IL15RA: variants seen among roughly 807,000 people sequenced by gnomAD.
The protein encoded by IL15RA is interleukin-15 receptor subunit alpha.
In IL15RA, 26 loss-of-function variants were observed where a neutral mutation model predicts 24.2. That is an observed-to-expected ratio of 1.07 (90% CI 0.79 to 1.49). IL15RA has a LOEUF of 1.49. Ranked by LOEUF, IL15RA falls within the 40% of genes most tolerant of loss-of-function variation. IL15RA has a pLI of 0.00. For missense variants in IL15RA, 354 were observed against 356.4 expected (o/e 0.99, Z 0.05); for synonymous variants, 166 against 157.6 (o/e 1.05, Z -0.40).
In IL15RA at chr10:5,961,745, T is replaced by C. The variant is rs923715939; in HGVS notation, c.383-1178A>G. ...GCGTAACTGTGCTGTTCCCTCTCCA[T>C]GAAAAATGTGTCTTCCATTGTGACA... On this transcript the variant is annotated intron_variant, in intron 3 of 6. Transcript: ENST00000379977. This position sits in a 1 kb window ranked among gnomAD's most constrained non-coding sequence, Gnocchi z 5.2. Among the ~76,000 whole-genome samples, 1 of 152,188 alleles carries C rather than the reference T, an allele frequency of 6.6e-6. No homozygotes were observed. Among genetic ancestry groups the C allele is most frequent in the Non-Finnish European group, 1.5e-5 (1 of 68,020 alleles).
downstream of IL15RA, among the ~76,000 whole-genome samples, chr10:5,950,358 G>A (rs1243415713): frequency 2.0e-5 from 3 of 152,040 alleles, no homozygotes; most frequent in African/African-American, 4.8e-5. This position sits in a 1 kb window ranked among gnomAD's most constrained non-coding sequence, Gnocchi z 5.6. Context: ...TTTAGAATAC[G>A]GTGCTCCCAT....
rs12412401 is a variant in IL15RA at position 5,973,155 on chromosome 10, C to T, written c.88+4250G>A. Among the ~76,000 whole-genome samples the T allele has an allele frequency of 0.011, 1,743 of 152,282 alleles. 29 individuals carry two copies. The highest frequency in any genetic ancestry group is 0.035 in the Admixed American group (538 of 15,300). On this transcript the variant is annotated intron_variant, in intron 1 of 6. Transcript: ENST00000379977. This position sits in a 1 kb window ranked among gnomAD's most constrained non-coding sequence, Gnocchi z 4.5. ...GTGACCTTCTACCCAACATAATGGA[C>T]GCCCCTGCACATCAGGCCTTTTAAA...
chr10:5,956,794 G>C (rs1834586844), intron 5 of IL15RA, among the ~76,000 whole-genome samples: 2 of 152,156 alleles, frequency 1.3e-5, no homozygotes, highest in Admixed American at 6.6e-5. Context: ...GCGATGAGGA[G>C]AGAGCATTCC....
In IL15RA at chr10:5,965,882, G is replaced by A. The variant is rs533685898; in HGVS notation, c.283+263C>T. ...ATTACAGGCGCCTGCCACCACGCCCGGCTACTTTTTGTATTTTTAGTAGAA... is the reference window on the plus strand; with the variant it reads ...ATTACAGGCGCCTGCCACCACGCCCAGCTACTTTTTGTATTTTTAGTAGAA... On this transcript the variant is annotated intron_variant, in intron 2 of 6. Transcript: ENST00000379977. This position sits in a 1 kb window ranked among gnomAD's most constrained non-coding sequence, Gnocchi z 5.8. Among the ~76,000 whole-genome samples, 7 of 152,176 alleles carry A rather than the reference G, an allele frequency of 4.6e-5. No homozygotes were observed. Among genetic ancestry groups the A allele is most frequent in the East Asian group, 1.9e-4 (1 of 5,170 alleles).
Position 5,971,308 on chromosome 10 carries a change from T to G in IL15RA, c.89-4969A>C, listed in dbSNP as rs144047621. 5.7e-4 allele frequency among the ~76,000 whole-genome samples: 87 copies of G among 152,286 alleles called. 1 individual carries two copies. The highest frequency in any genetic ancestry group is 4.0e-4 in the Non-Finnish European group (27 of 68,018). On this transcript the variant is annotated intron_variant, in intron 1 of 6. Transcript: ENST00000379977. This position sits in a 1 kb window ranked among gnomAD's most constrained non-coding sequence, Gnocchi z 5.5. ...CTTATGGCTCTAGGACTTTCAAAAC[T>G]CTGAAGTAGCCAAAAAACATATACA...
Position 5,973,452 on chromosome 10 carries a change from G to A in IL15RA, c.88+3953C>T, listed in dbSNP as rs1837938795. Among the ~76,000 whole-genome samples, 1 of 152,262 alleles carries A rather than the reference G, an allele frequency of 6.6e-6. No homozygotes were observed. Among genetic ancestry groups the A allele is most frequent in the Non-Finnish European group, 1.5e-5 (1 of 68,024 alleles). On this transcript the variant is annotated intron_variant, in intron 1 of 6. Coordinates refer to ENST00000379977, the MANE Select transcript of IL15RA (RefSeq NM_002189.4). The surrounding 1 kb of genome is among the most constrained non-coding windows in gnomAD (Gnocchi z 4.5). The stretch of plus-strand genomic sequence containing the variant: ...TAATTTCTAATTGTTCATTGTGAAT[G>A]TATAGAAATAGAACTGATTTTTGTG...
rs952556665 is a variant in IL15RA, at chr10:5,973,412, C to G, written c.88+3993G>C. 6.6e-6 allele frequency among the ~76,000 whole-genome samples: 1 copy of G among 152,068 alleles called. No individual in the cohort carries two copies. The highest frequency in any genetic ancestry group is 1.5e-5 in the Non-Finnish European group (1 of 68,012). On this transcript the variant is annotated intron_variant, in intron 1 of 6. Coordinates refer to ENST00000379977, the MANE Select transcript of IL15RA (RefSeq NM_002189.4). This position sits in a 1 kb window ranked among gnomAD's most constrained non-coding sequence, Gnocchi z 4.5. ...TGCTTTTTAATGTTATTTCAAATGA[C>G]TTTTTAAAGTTTTTTAATTTCTAAT...
chr10:5,950,383 C>G (rs894766360), downstream of IL15RA, among the ~76,000 whole-genome samples: 2 of 152,154 alleles, frequency 1.3e-5, no homozygotes, highest in South Asian at 4.1e-4. The surrounding 1 kb of genome is among the most constrained non-coding windows in gnomAD (Gnocchi z 5.6). Context: ...CTTCAGAGTT[C>G]TGTGTACTCT....
chr10:5,948,940 A>G (rs191371789), downstream of IL15RA: 27 of 227,308 alleles, frequency 1.2e-4, no homozygotes, highest in East Asian at 2.1e-3. Flanking sequence ...ACAAGGCACA[A>G]TGTCAAAATA....
rs1352924865 is a variant in IL15RA, at chr10:5,960,805, G to A, written c.383-238C>T. On this transcript the variant is annotated intron_variant, in intron 3 of 6. Transcript: ENST00000379977. The surrounding 1 kb of genome is among the most constrained non-coding windows in gnomAD (Gnocchi z 5.1). The stretch of plus-strand genomic sequence containing the variant: ...GCACGTATAAAGAAAAGATCAGCCA[G>A]ACACAGTGGGTCATGCCTATAATCC... Among the ~76,000 whole-genome samples, 1 of 152,182 alleles carries A rather than the reference G, an allele frequency of 6.6e-6. No individual in the cohort carries two copies. The highest frequency in any genetic ancestry group is 1.9e-4 in the East Asian group (1 of 5,190).
intron 6 of IL15RA, among the ~76,000 whole-genome samples, chr10:5,954,168 CT>C (rs750550552): frequency 0.04 from 4,250 of 105,212 alleles, 85 homozygotes; most frequent in East Asian, 0.085. Flanking sequence ...ACCAATTCTT[CT>C]TTTTTTTTTT....
rs532502676 is a variant in IL15RA at position 5,961,343 on chromosome 10, G to A, written c.383-776C>T. Among the ~76,000 whole-genome samples the A allele has an allele frequency of 6.6e-6, 1 of 152,298 alleles. No individual in the cohort carries two copies. Among genetic ancestry groups the A allele is most frequent in the Non-Finnish European group, 1.5e-5 (1 of 68,016 alleles). On this transcript the variant is annotated intron_variant, in intron 3 of 6. Transcript: ENST00000379977. This position sits in a 1 kb window ranked among gnomAD's most constrained non-coding sequence, Gnocchi z 5.2. ...CACCTTAGCCTAGGAGTTTGAGGCTGCAGTGACCTATAATTGAGCCATTGC... is the reference window on the plus strand; with the variant it reads ...CACCTTAGCCTAGGAGTTTGAGGCTACAGTGACCTATAATTGAGCCATTGC...
chr10:5,956,811 T>G (rs1725158126), intron 5 of IL15RA, among the ~76,000 whole-genome samples: 1 of 152,138 alleles, frequency 6.6e-6, no homozygotes, highest in African/African-American at 2.4e-5. Context: ...TTCCTGCTGC[T>G]AAAGCCAGGG....
intron 5 of IL15RA, among the ~76,000 whole-genome samples, chr10:5,957,116 C>T (rs1438230155): frequency 4.6e-5 from 7 of 151,436 alleles, no homozygotes; most frequent in Middle Eastern, 3.4e-3. Flanking sequence ...CACACCACCA[C>T]GCCTGGCTAA....
Position 5,963,743 on chromosome 10 carries a change from C to A in IL15RA, c.382G>T (p.Glu128Ter). Residue 128 changes from glutamate to a stop codon, truncating the protein, a stop_gained and splice_region_variant, in exon 3 of 7, where the codon GAG (glutamate) becomes TAG (stop). Transcript: ENST00000379977. LOFTEE classifies it high-confidence loss of function. This position sits in a 1 kb window ranked among gnomAD's most constrained non-coding sequence, Gnocchi z 5.3. Reference sequence around the variant, plus strand: ...CTCGAGAAGTTTCTGACCTTCCTACCTTTTCCAGAAGGGGAGAGGCTCTCT... The same window carrying A: ...CTCGAGAAGTTTCTGACCTTCCTACATTTTCCAGAAGGGGAGAGGCTCTCT... ...QPESLSPSGK[E>*]PAASSPSSNN... The A allele has an allele frequency of 2.6e-6, 4 of 1,512,362 alleles. No homozygotes were observed. The highest frequency in any genetic ancestry group is 3.5e-6 in the Non-Finnish European group (4 of 1,140,576). 93.7% of individuals were successfully genotyped at this position (1,512,362 alleles called of 1,614,324 possible). A position where few individuals can be genotyped will look rare whatever the true frequency, so the allele number is the denominator to read the frequency against.
At chr10:5,951,458 G>T (rs932984781), downstream of IL15RA, among the ~76,000 whole-genome samples, 1 of 152,222 alleles carries the variant, frequency 6.6e-6, no homozygotes, top group Admixed American at 6.5e-5. Flanking sequence ...TGTACAAGGG[G>T]CAGTTGGTGG....
intron 6 of IL15RA, among the ~76,000 whole-genome samples, chr10:5,954,955 G>A (rs1834319722): frequency 6.6e-6 from 1 of 151,986 alleles, no homozygotes; most frequent in African/African-American, 2.4e-5. Flanking sequence ...CTGTTTATAA[G>A]GTTTATGGCT....
Position 5,964,903 on chromosome 10 carries a change from C to A in IL15RA, c.284-1062G>T, listed in dbSNP as rs1408499978. ...GTGCTGTGTCCCCAGCGAGTGATTTCTTGGAACAAGTCGGAGGCTTCCTCC... is the reference window on the plus strand; with the variant it reads ...GTGCTGTGTCCCCAGCGAGTGATTTATTGGAACAAGTCGGAGGCTTCCTCC... On this transcript the variant is annotated intron_variant, in intron 2 of 6. Transcript: ENST00000379977. The surrounding 1 kb of genome is among the most constrained non-coding windows in gnomAD (Gnocchi z 5.6). Among the ~76,000 whole-genome samples the A allele has an allele frequency of 6.6e-6, 1 of 152,244 alleles. No individual in the cohort carries two copies. The highest frequency in any genetic ancestry group is 2.4e-5 in the African/African-American group (1 of 41,468).
rs747313317 is a variant in IL15RA, at chr10:5,966,583, C to T, written c.89-244G>A. Among the ~76,000 whole-genome samples the T allele has an allele frequency of 2.0e-5, 3 of 151,988 alleles. No individual in the cohort carries two copies. The highest frequency in any genetic ancestry group is 2.9e-5 in the Non-Finnish European group (2 of 67,990). ...GATGAGGGCGTGGGGAGAGGGTCAT[C>T]GATGAAACACCCTCTCCCTTCATTT... On this transcript the variant is annotated intron_variant, in intron 1 of 6. Coordinates refer to ENST00000379977, the MANE Select transcript of IL15RA (RefSeq NM_002189.4). The surrounding 1 kb of genome is among the most constrained non-coding windows in gnomAD (Gnocchi z 6.4).
Sources: gnomAD v4.1 joint callset for allele counts (sites outside exome capture counted in the v4.1 genomes callset) on GRCh38, gnomAD v4.1.1 for gene constraint, Gnocchi (gnomAD v3.1) non-coding constraint, MANE v1.5 for transcripts, NCBI Gene and HGNC (gene_info 2026-07-23, HGNC 2026-07-21) for gene names.